Variants in SLAMF6 observed in about 807,000 individuals in gnomAD.
SLAMF6 encodes the protein SLAM family member 6.
Under a neutral mutation model 38.3 loss-of-function variants are expected in SLAMF6, and 21 were observed. That is an observed-to-expected ratio of 0.55 (90% confidence interval 0.39 to 0.79). The LOEUF (loss-of-function observed/expected upper bound fraction) is 0.79. SLAMF6 is among the 30% of genes least tolerant of loss of function. The pLI, the probability that SLAMF6 is intolerant of heterozygous loss-of-function variation, is 0.00. For synonymous variants in SLAMF6, 152 were observed against 146.3 expected (o/e 1.04, Z -0.28); for missense variants, 341 against 385.3 (o/e 0.89, Z 0.96).
At chr1:160,518,927 A>T (rs887812998) in intron 1 of SLAMF6, among the ~76,000 whole-genome samples, 4 of 152,220 alleles carry the variant, frequency 2.6e-5, no homozygotes, top group African/African-American at 9.7e-5. Flanking sequence ...CTTAAAATAA[A>T]ATGATAAAAA....
intron 2 of SLAMF6, among the ~76,000 whole-genome samples, chr1:160,495,066 C>A (rs956818631): frequency 6.6e-6 from 1 of 152,192 alleles, no homozygotes; most frequent in Non-Finnish European, 1.5e-5. Flanking sequence ...ACACGATAAA[C>A]CTACCAGATA....
At chr1:160,496,504 C>T in intron 1 of SLAMF6, 111 bp from the exon 2 acceptor site, 1 of 1,029,218 alleles carries the variant, frequency 9.7e-7, no homozygotes, top group Non-Finnish European at 1.4e-6. Context: ...GATACCAAAA[C>T]TCAGAGATAT....
intron 1 of SLAMF6, among the ~76,000 whole-genome samples, chr1:160,502,240 G>A (rs1327565589): frequency 1.3e-5 from 2 of 152,224 alleles, no homozygotes; most frequent in Admixed American, 6.5e-5. Flanking sequence ...ACTAGAACCA[G>A]AAAAGGAGAT....
chr1:160,507,019 G>A (rs1654224509), intron 1 of SLAMF6, among the ~76,000 whole-genome samples: 1 of 151,994 alleles, frequency 6.6e-6, no homozygotes, highest in African/African-American at 2.4e-5. Flanking sequence ...ATGGCAAAAT[G>A]CAAGAAGTAG....
At chr1:160,502,423 G>A (rs1653952885) in intron 1 of SLAMF6, among the ~76,000 whole-genome samples, 1 of 152,114 alleles carries the variant, frequency 6.6e-6, no homozygotes, top group South Asian at 2.1e-4. Flanking sequence ...CAGACATTTG[G>A]GGTACATTTG....
intron 2 of SLAMF6, among the ~76,000 whole-genome samples, chr1:160,495,711 G>T (rs1456183443): frequency 6.6e-6 from 1 of 152,200 alleles, no homozygotes; most frequent in African/African-American, 2.4e-5. Flanking sequence ...AGGGTATAAG[G>T]TCTGTACCTA....
At chr1:160,518,977 A>T (rs960957215) in intron 1 of SLAMF6, among the ~76,000 whole-genome samples, 2 of 152,216 alleles carry the variant, frequency 1.3e-5, no homozygotes, top group African/African-American at 2.4e-5. Flanking sequence ...CTTCATCAAA[A>T]TTAAAGACTT....
chr1:160,505,173 A>T (rs1654118208), intron 1 of SLAMF6, among the ~76,000 whole-genome samples: 1 of 152,232 alleles, frequency 6.6e-6, no homozygotes, highest in Admixed American at 6.5e-5. Context: ...TAGAATAGTC[A>T]CTAAAAAAAC....
chr1:160,501,578 G>C (rs958980872), intron 1 of SLAMF6, among the ~76,000 whole-genome samples: 22 of 152,164 alleles, frequency 1.4e-4, no homozygotes, highest in Non-Finnish European at 1.5e-5. Context: ...ATCATGAACT[G>C]GGAAGAGTTG....
At chr1:160,503,206 G>GA (rs1654000557) in intron 1 of SLAMF6, among the ~76,000 whole-genome samples, 2 of 152,132 alleles carry the variant, frequency 1.3e-5, no homozygotes, top group South Asian at 4.1e-4. Flanking sequence ...TGTTCTAAGA[G>GA]AAGTAGATCT....
intron 5 of SLAMF6, among the ~76,000 whole-genome samples, chr1:160,489,850 G>T (rs1174027793): frequency 1.3e-5 from 2 of 152,162 alleles, no homozygotes; most frequent in African/African-American, 4.8e-5. Flanking sequence ...GATGCAGTCA[G>T]ACAGTTTGGT....
intron 1 of SLAMF6, 81 bp downstream of exon 1, chr1:160,523,063 T>G: frequency 1.3e-6 from 2 of 1,482,304 alleles, no homozygotes; most frequent in Non-Finnish European, 1.9e-6. Context: ...CAGACAACTG[T>G]ATACAGACGA....
chr1:160,516,033 A>G (rs111428470), intron 1 of SLAMF6, among the ~76,000 whole-genome samples: 7,267 of 152,144 alleles, frequency 0.048, 368 homozygotes, highest in African/African-American at 0.12. Context: ...GAAATAAAGC[A>G]TATTCACACA....
intron 6 of SLAMF6, 109 bp from the exon 7 acceptor site, chr1:160,487,284 T>C: frequency 1.0e-6 from 1 of 985,630 alleles, no homozygotes; most frequent in Non-Finnish European, 1.5e-6. Flanking sequence ...GTCAAAGTTC[T>C]TCCAGAGGAA....
intron 3 of SLAMF6, 150 bp downstream of exon 3, chr1:160,490,975 G>C: frequency 9.8e-7 from 1 of 1,020,554 alleles, no homozygotes; most frequent in Non-Finnish European, 1.4e-6. Flanking sequence ...TGGGAGTACT[G>C]AGAGATGCAG....
At chr1:160,518,654 A>G (rs1654854197) in intron 1 of SLAMF6, among the ~76,000 whole-genome samples, 1 of 152,172 alleles carries the variant, frequency 6.6e-6, no homozygotes, top group African/African-American at 2.4e-5. Context: ...CATTATTCTC[A>G]GCAAACTAAT....
chr1:160,489,111 C>T lies in SLAMF6; in HGVS notation c.856G>A (p.Ala286Thr), dbSNP rs141648789. 2.0e-4 allele frequency: 324 copies of T among 1,613,830 alleles called. No individual in the cohort carries two copies. The highest frequency in any genetic ancestry group is 2.6e-4 in the Non-Finnish European group (303 of 1,179,782). The stretch of plus-strand genomic sequence containing the variant: ...ACCCTGTTTGAATGAGTGACTGAAG[C>T]ATACACAGTGTTGTTCGTTGGAGAC... Reference protein sequence around the residue: ...SVSPTNNTVYASVTHSNRETE... With the variant: ...SVSPTNNTVYTSVTHSNRETE... The change falls in exon 6 of 8, where the codon GCT (alanine) becomes ACT (threonine). Residue 286 changes from alanine (A) to threonine (T), a missense_variant. By Grantham distance (58) the Ala-to-Thr change is moderately conservative. Transcript: ENST00000368057.
chr1:160,514,472 C>A (rs963414996), intron 1 of SLAMF6, among the ~76,000 whole-genome samples: 9 of 152,152 alleles, frequency 5.9e-5, no homozygotes, highest in African/African-American at 2.2e-4. Context: ...CAAAGATATT[C>A]AGGACTTGAA....
intron 1 of SLAMF6, among the ~76,000 whole-genome samples, chr1:160,520,692 T>G (rs1164493926): frequency 1.3e-5 from 2 of 152,198 alleles, no homozygotes; most frequent in Non-Finnish European, 2.9e-5. Context: ...TGGGATTATT[T>G]TTCAATATGG....
Sources: allele counts gnomAD v4.1 joint callset (sites outside exome capture counted in the v4.1 genomes callset), GRCh38; gene constraint gnomAD v4.1.1; transcripts MANE v1.5; gene names NCBI Gene and HGNC (gene_info 2026-07-23, HGNC 2026-07-21).